The following PTPRR variants were observed in gnomAD, a reference collection of about 807,000 sequenced individuals.
PTPRR encodes protein tyrosine phosphatase receptor type R.
In PTPRR, 38 loss-of-function variants were observed where a neutral mutation model predicts 77.2. The ratio of observed to expected loss-of-function variants is 0.49; its 90% confidence interval spans 0.38 to 0.65. The LOEUF is 0.65. Ranked by LOEUF, PTPRR falls within the 30% of genes least tolerant of loss-of-function variation. The pLI, the probability that PTPRR is intolerant of heterozygous loss-of-function variation, is 0.00. For synonymous variants in PTPRR, 299 were observed against 283.1 expected (o/e 1.06, Z -0.57); for missense variants, 744 against 799.2 (o/e 0.93, Z 0.83).
At chr12:70,909,571 T>C (rs1033651077) in intron 1 of PTPRR, among the ~76,000 whole-genome samples, 2 of 152,142 alleles carry the variant, frequency 1.3e-5, no homozygotes, top group South Asian at 4.1e-4. Flanking sequence ...CTTCTTTGAG[T>C]CTCCACTCAA....
chr12:70,722,321 C>T (rs1395100540), intron 6 of PTPRR, among the ~76,000 whole-genome samples: 1 of 152,140 alleles, frequency 6.6e-6, no homozygotes, highest in Admixed American at 6.6e-5. Context: ...GCATTGTTAC[C>T]TTCCTTCATC....
intron 2 of PTPRR, among the ~76,000 whole-genome samples, chr12:70,805,682 A>G (rs1057160050): frequency 6.6e-6 from 1 of 152,236 alleles, no homozygotes; most frequent in Non-Finnish European, 1.5e-5. Context: ...TTCCATTAGC[A>G]GTTTATTAAA....
chr12:70,793,030 C>T (rs1360028156), intron 2 of PTPRR, among the ~76,000 whole-genome samples: 2 of 152,048 alleles, frequency 1.3e-5, no homozygotes, highest in Admixed American at 1.3e-4. Context: ...CAGCAGTTTA[C>T]CAATGGATAA....
chr12:70,864,712 T>C (rs901264252), intron 2 of PTPRR, among the ~76,000 whole-genome samples: 3 of 152,116 alleles, frequency 2.0e-5, no homozygotes, highest in Non-Finnish European at 4.4e-5. Flanking sequence ...TACCATGTGT[T>C]GTGGGAGGGA....
In PTPRR at chr12:70,712,678, C is replaced by G. The variant is rs146485781; in HGVS notation, c.1008-11355G>C. 2.1e-4 allele frequency among the ~76,000 whole-genome samples: 32 copies of G among 151,890 alleles called. No individual in the cohort carries two copies. In the East Asian group the frequency reaches 5.6e-3, roughly 27 times the overall value. On this transcript the variant is annotated intron_variant, in intron 6 of 13. Coordinates refer to ENST00000283228, the MANE Select transcript of PTPRR (RefSeq NM_002849.4). ...TTTTAGAGTGAACTGAAATTTGTCA[C>G]GTAAAGGACGTTTTTATGCTTGCTA...
intron 5 of PTPRR, among the ~76,000 whole-genome samples, chr12:70,752,220 C>T (rs1014976644): frequency 5.9e-5 from 9 of 152,110 alleles, no homozygotes; most frequent in South Asian, 4.1e-4. Flanking sequence ...CAAATAGACC[C>T]GCAGAGAATA....
At chr12:70,745,681 C>T in intron 6 of PTPRR, 137 bp downstream of exon 6, 2 of 1,013,856 alleles carry the variant, frequency 2.0e-6, no homozygotes, top group Non-Finnish European at 2.9e-6. Flanking sequence ...ACAAGAAACA[C>T]TACTTCATCT....
chr12:70,702,713 G>A (rs959611815), intron 6 of PTPRR, among the ~76,000 whole-genome samples: 4 of 151,966 alleles, frequency 2.6e-5, no homozygotes, highest in Non-Finnish European at 5.9e-5. Context: ...ATTTCTAAAT[G>A]GTTTGTAATT....
At chr12:70,912,128 A>T (rs1893709473) in intron 1 of PTPRR, among the ~76,000 whole-genome samples, 1 of 152,214 alleles carries the variant, frequency 6.6e-6, no homozygotes, top group Admixed American at 6.5e-5. Flanking sequence ...ATTGAAAGCC[A>T]TACATTTACA....
At chr12:70,703,986 T>C (rs1321056542) in intron 6 of PTPRR, among the ~76,000 whole-genome samples, 2 of 152,162 alleles carry the variant, frequency 1.3e-5, no homozygotes, top group African/African-American at 4.8e-5. Flanking sequence ...GGAGAATAAA[T>C]TAATACAACT....
intron 1 of PTPRR, among the ~76,000 whole-genome samples, chr12:70,913,947 T>G (rs756736586): frequency 2.0e-5 from 3 of 152,122 alleles, no homozygotes; most frequent in Non-Finnish European, 4.4e-5. Context: ...AAAGCTGCAA[T>G]TGTGTTATTG....
chr12:70,708,802 A>G (rs1487174177), intron 6 of PTPRR, among the ~76,000 whole-genome samples: 4 of 126,578 alleles, frequency 3.2e-5, no homozygotes, highest in African/African-American at 1.3e-4. Context: ...ATTTAAATAT[A>G]AATACAAATA....
chr12:70,714,969 A>C (rs1047502029), intron 6 of PTPRR, among the ~76,000 whole-genome samples: 2 of 152,170 alleles, frequency 1.3e-5, no homozygotes, highest in African/African-American at 4.8e-5. Context: ...TTGGTGACAG[A>C]GTGAGACCCT....
chr12:70,790,662 C>G (rs1565698178), intron 2 of PTPRR, among the ~76,000 whole-genome samples: 1 of 152,078 alleles, frequency 6.6e-6, no homozygotes, highest in Non-Finnish European at 1.5e-5. Context: ...CTGATTCCTA[C>G]TCTACTCACC....
intron 10 of PTPRR, among the ~76,000 whole-genome samples, chr12:70,674,689 TTTATA>T (rs1555248292): frequency 1.3e-5 from 2 of 152,136 alleles, no homozygotes; most frequent in African/African-American, 2.4e-5. Context: ...GCTTTGAAAA[TTTATA>T]TTATGAGATT....
At chr12:70,847,486 A>G (rs1206587172) in intron 2 of PTPRR, among the ~76,000 whole-genome samples, 1 of 152,134 alleles carries the variant, frequency 6.6e-6, no homozygotes, top group African/African-American at 2.4e-5. Context: ...GGAAATTTAC[A>G]TCTCAAAATA....
chr12:70,837,635 C>T (rs1345552221), intron 2 of PTPRR, among the ~76,000 whole-genome samples: 1 of 152,104 alleles, frequency 6.6e-6, no homozygotes, highest in Non-Finnish European at 1.5e-5. Flanking sequence ...GCTGAGGTTT[C>T]ATGCCCTCTC....
intron 1 of PTPRR, among the ~76,000 whole-genome samples, chr12:70,906,245 G>T (rs1469209419): frequency 2.0e-5 from 3 of 151,810 alleles, no homozygotes; most frequent in Admixed American, 1.3e-4. Flanking sequence ...AATGTAGGTG[G>T]TTTTTGCATA....
intron 2 of PTPRR, among the ~76,000 whole-genome samples, chr12:70,819,939 A>C (rs955922256): frequency 7.9e-5 from 12 of 152,208 alleles, no homozygotes. Flanking sequence ...TAATTTTATG[A>C]AATGTGAGAA....
Sources: allele counts gnomAD v4.1 joint callset (sites outside exome capture counted in the v4.1 genomes callset), GRCh38; gene constraint gnomAD v4.1.1; transcripts MANE v1.5; gene names NCBI Gene and HGNC (gene_info 2026-07-23, HGNC 2026-07-21).